The following CACNA2D3 variants were observed in gnomAD, a reference collection of about 807,000 sequenced individuals.
CACNA2D3 encodes the protein voltage-dependent calcium channel subunit alpha-2/delta-3.
CACNA2D3 carries 60 observed loss-of-function variants against 160.6 expected under a neutral mutation model. The observed-to-expected ratio is 0.37, with a 90% confidence interval of 0.30 to 0.46. The LOEUF is 0.46. CACNA2D3 is among the 20% of genes least tolerant of loss of function. The probability of loss-of-function intolerance (pLI) is 1.00; values close to 1 mark genes in which losing one functional copy is unlikely to be tolerated. For missense variants in CACNA2D3, 1,205 were observed against 1,365.0 expected (o/e 0.88, Z 1.85); for synonymous variants, 558 against 492.9 (o/e 1.13, Z -1.75).
intron 9 of CACNA2D3, among the ~76,000 whole-genome samples, chr3:54,585,464 C>A (rs538544790): frequency 4.2e-4 from 64 of 152,252 alleles, no homozygotes; most frequent in Non-Finnish European, 7.2e-4. Context: ...AATAAACTGG[C>A]AGACTCAAGT....
intron 29 of CACNA2D3, among the ~76,000 whole-genome samples, chr3:54,979,254 G>A (rs1702456365): frequency 6.6e-6 from 1 of 152,010 alleles, no homozygotes; most frequent in South Asian, 2.1e-4. Context: ...CAAGGTATGA[G>A]GCTAGTTTTT....
At chr3:54,405,234 C>T (rs774908329) in intron 4 of CACNA2D3, among the ~76,000 whole-genome samples, 2 of 143,808 alleles carry the variant, frequency 1.4e-5, no homozygotes, top group Non-Finnish European at 3.0e-5. Context: ...TATGTGGAAC[C>T]ACATTAAACC....
intron 4 of CACNA2D3, among the ~76,000 whole-genome samples, chr3:54,415,710 G>C (rs1025216289): frequency 3.9e-5 from 6 of 152,164 alleles, no homozygotes; most frequent in Non-Finnish European, 5.9e-5. Flanking sequence ...CTGTGGGGTA[G>C]ATACTATTAT....
intron 2 of CACNA2D3, among the ~76,000 whole-genome samples, chr3:54,136,992 C>G (rs545189028): frequency 6.6e-6 from 1 of 152,330 alleles, no homozygotes; most frequent in African/African-American, 2.4e-5. Flanking sequence ...CCATTCTGGC[C>G]TATGCACATC....
chr3:54,861,463 A>G (rs565744858), intron 17 of CACNA2D3, among the ~76,000 whole-genome samples: 1 of 152,268 alleles, frequency 6.6e-6, no homozygotes, highest in Admixed American at 6.5e-5. Flanking sequence ...GCCAAGTCAC[A>G]GGGACTTGTG....
At chr3:54,753,610 G>A (rs1468860464) in intron 12 of CACNA2D3, among the ~76,000 whole-genome samples, 1 of 152,174 alleles carries the variant, frequency 6.6e-6, no homozygotes, top group Admixed American at 6.5e-5. Context: ...TTAAGCCACT[G>A]AGATTTTTAG....
chr3:54,839,301 C>T (rs1698769278), intron 16 of CACNA2D3, among the ~76,000 whole-genome samples: 2 of 152,078 alleles, frequency 1.3e-5, no homozygotes, highest in South Asian at 4.2e-4. Context: ...TAGACCCCAT[C>T]CAGAAAACTC....
chr3:54,749,304 T>C (rs1215038166), intron 11 of CACNA2D3, among the ~76,000 whole-genome samples: 2 of 152,232 alleles, frequency 1.3e-5, no homozygotes, highest in Admixed American at 6.5e-5. Context: ...GAATGTACCA[T>C]GAACTTGTAG....
chr3:54,388,137 T>C (rs770570879), intron 4 of CACNA2D3, among the ~76,000 whole-genome samples: 3 of 152,156 alleles, frequency 2.0e-5, no homozygotes, highest in Non-Finnish European at 4.4e-5. Flanking sequence ...CAAAAGGCAA[T>C]GGTGGCATAC....
chr3:54,567,249 A>G (rs554550959), intron 6 of CACNA2D3, among the ~76,000 whole-genome samples: 4 of 152,342 alleles, frequency 2.6e-5, no homozygotes, highest in African/African-American at 9.6e-5. Flanking sequence ...CTTGACTCAC[A>G]TTAGAAGCCA....
intron 11 of CACNA2D3, among the ~76,000 whole-genome samples, chr3:54,736,107 A>ATATG (rs1253808917): frequency 1.9e-4 from 4 of 21,316 alleles, no homozygotes; most frequent in African/African-American, 5.5e-4. Flanking sequence ...ATACATATAT[A>ATATG]TGTATATATA....
At chr3:54,217,671 A>G (rs1249988878) in intron 2 of CACNA2D3, among the ~76,000 whole-genome samples, 1 of 152,156 alleles carries the variant, frequency 6.6e-6, no homozygotes, top group Non-Finnish European at 1.5e-5. Flanking sequence ...AGCAGCCACC[A>G]GAAGCTGGAA....
chr3:54,952,291 C>T (rs1434217211), intron 27 of CACNA2D3, among the ~76,000 whole-genome samples: 2 of 152,140 alleles, frequency 1.3e-5, no homozygotes, highest in African/African-American at 4.8e-5. Flanking sequence ...GAAACTAAGC[C>T]CCCCAGGGCT....
chr3:54,996,080 A>G (rs1702852027), intron 31 of CACNA2D3, among the ~76,000 whole-genome samples: 1 of 152,220 alleles, frequency 6.6e-6, no homozygotes, highest in African/African-American at 2.4e-5. Context: ...AGCAATACCA[A>G]CACTCAGAGG....
chr3:54,882,698 T>G (rs909707522), intron 21 of CACNA2D3, among the ~76,000 whole-genome samples: 1 of 152,196 alleles, frequency 6.6e-6, no homozygotes, highest in Admixed American at 6.5e-5. Flanking sequence ...GAAAGCTGCT[T>G]CCCCTTGGGC....
intron 33 of CACNA2D3, among the ~76,000 whole-genome samples, chr3:55,008,704 G>A (rs1326386925): frequency 1.3e-5 from 2 of 152,138 alleles, no homozygotes; most frequent in African/African-American, 4.8e-5. Flanking sequence ...GATTGAGAGA[G>A]AGCTGCTAGG....
chr3:54,777,423 A>G (rs888776781), intron 13 of CACNA2D3, among the ~76,000 whole-genome samples: 3 of 152,210 alleles, frequency 2.0e-5, no homozygotes, highest in Admixed American at 2.0e-4. Context: ...GACTAAGTCT[A>G]TCTCTCAGTG....
chr3:54,700,489 A>G (rs1700748448), intron 11 of CACNA2D3, among the ~76,000 whole-genome samples: 1 of 152,246 alleles, frequency 6.6e-6, no homozygotes, highest in Non-Finnish European at 1.5e-5. Context: ...TTAGCTGGTG[A>G]CAACCATGTC....
intron 2 of CACNA2D3, among the ~76,000 whole-genome samples, chr3:54,226,028 C>T (rs550443530): frequency 6.6e-6 from 1 of 152,256 alleles, no homozygotes; most frequent in African/African-American, 2.4e-5. Context: ...TGGCCCTTAC[C>T]AGCAGGGTGT....
Sources: allele counts gnomAD v4.1 joint callset (sites outside exome capture counted in the v4.1 genomes callset), GRCh38; gene constraint gnomAD v4.1.1; transcripts MANE v1.5; gene names NCBI Gene and HGNC (gene_info 2026-07-23, HGNC 2026-07-21).